The following ARHGEF17 variants were observed in gnomAD, a reference collection of about 807,000 sequenced individuals.
The protein encoded by ARHGEF17 is Rho guanine nucleotide exchange factor 17.
A neutral mutation model predicts 174.0 loss-of-function variants in ARHGEF17; 80 were observed. That is an observed-to-expected ratio of 0.46 (90% CI 0.38 to 0.55). The LOEUF (loss-of-function observed/expected upper bound fraction) is 0.55, where lower values mean the gene tolerates loss of function less well. ARHGEF17 is among the 20% of genes least tolerant of loss of function. The probability of loss-of-function intolerance (pLI) is 0.00; values close to 1 mark genes in which losing one functional copy is unlikely to be tolerated. For synonymous variants in ARHGEF17, 1,311 were observed against 1,189.1 expected (o/e 1.10, Z -2.11); for missense variants, 2,886 against 2,839.7 (o/e 1.02, Z -0.37).
rs768413337 is a variant in ARHGEF17, at chr11:73,357,312, G to A, written c.4072G>A (p.Ala1358Thr). 9.3e-6 allele frequency: 15 copies of A among 1,613,788 alleles called. No homozygotes were observed. The highest frequency in any genetic ancestry group is 3.3e-5 in the South Asian group (3 of 91,008). ...KMLWKLPLED[A>T]DIIKGASQAT... Reference sequence around the variant, plus strand: ...GCTGTGGAAGCTGCCGCTGGAAGACGCAGACATCATCAAAGGTGGGTTTGA... The same window carrying A: ...GCTGTGGAAGCTGCCGCTGGAAGACACAGACATCATCAAAGGTGGGTTTGA... Residue 1358 changes from alanine (A) to threonine (T), a missense_variant, in exon 9 of 21, where the codon GCA becomes ACA. Physicochemically the swap from Ala to Thr is moderately conservative, Grantham distance 58. Around this residue, in one of 4 missense-constraint regions of ARHGEF17, gnomAD observed 353 missense variants for 470.3 expected, o/e 0.75. Coordinates refer to ENST00000263674, the MANE Select transcript of ARHGEF17 (RefSeq NM_014786.4).
chr11:73,366,232 T>C (rs954092148), intron 20 of ARHGEF17, among the ~76,000 whole-genome samples: 7 of 152,128 alleles, frequency 4.6e-5, no homozygotes, highest in Admixed American at 3.3e-4. Flanking sequence ...AGGTAGAATA[T>C]GTCACAAATA....
At chr11:73,319,739 CG>C in intron 1 of ARHGEF17, among the ~76,000 whole-genome samples, 1 of 152,322 alleles carries the variant, frequency 6.6e-6, no homozygotes, top group Admixed American at 6.5e-5. Context: ...TGGGGACACA[CG>C]GGGAAAACTT....
chr11:73,317,375 A>G (rs796236301), intron 1 of ARHGEF17, among the ~76,000 whole-genome samples: 1 of 152,208 alleles, frequency 6.6e-6, no homozygotes, highest in African/African-American at 2.4e-5. Context: ...CAATAGTCCA[A>G]TAAAGAAGCA....
intron 1 of ARHGEF17, among the ~76,000 whole-genome samples, chr11:73,332,181 CTATAT>C (rs1667476360): frequency 6.6e-6 from 1 of 152,136 alleles, no homozygotes; most frequent in Non-Finnish European, 1.5e-5. Context: ...AGTAAGCCCT[CTATAT>C]TCTCTACTTT....
chr11:73,351,455 G>A (rs1355400647), intron 2 of ARHGEF17, among the ~76,000 whole-genome samples: 2 of 152,174 alleles, frequency 1.3e-5, no homozygotes, highest in South Asian at 4.2e-4. Flanking sequence ...GTAAAATAAC[G>A]GGAGTTTTAG....
intron 1 of ARHGEF17, among the ~76,000 whole-genome samples, chr11:73,312,776 C>T (rs1233289232): frequency 1.3e-5 from 2 of 151,964 alleles, no homozygotes; most frequent in Non-Finnish European, 2.9e-5. Context: ...ATCTTTTCCC[C>T]ACTCTACCCC....
chr11:73,349,491 C>T (rs1865518141), intron 2 of ARHGEF17, among the ~76,000 whole-genome samples: 1 of 152,124 alleles, frequency 6.6e-6, no homozygotes, highest in Non-Finnish European at 1.5e-5. Context: ...GGCAGGCTAC[C>T]TGTAATCCCA....
rs531045413 is a variant in ARHGEF17 at position 73,321,988 on chromosome 11, A to G, written c.3192+10158A>G. Among the ~76,000 whole-genome samples the G allele has an allele frequency of 5.3e-5, 8 of 152,286 alleles. No homozygotes were observed. In the East Asian group the frequency reaches 1.4e-3, roughly 26 times the overall value. On this transcript the variant is annotated intron_variant, in intron 1 of 20. Transcript: ENST00000263674. ...GCTGTGGAGCAGGAAGCGGGGAGGC[A>G]GAGTTCCTGGCTGCCAGCCAGCCCC...
Position 73,352,979 on chromosome 11 carries a change from C to G in ARHGEF17, c.3420C>G (p.Ala1140=). Residue 1140 remains alanine (A), a synonymous_variant, in exon 3 of 21, where the codon GCC becomes GCG. Coordinates refer to ENST00000263674, the MANE Select transcript of ARHGEF17 (RefSeq NM_014786.4). ...GGCACTGCATGCAGACCTGGCATGC[C>G]CAGCAGAAGGTGGGAGCCCTGCTCG... ...QVRHCMQTWH[A]QQKVGALLVQ... 6.2e-7 allele frequency: 1 copy of G among 1,614,014 alleles called. No homozygotes were observed. The highest frequency in any genetic ancestry group is 1.1e-5 in the South Asian group (1 of 91,084).
intron 1 of ARHGEF17, among the ~76,000 whole-genome samples, chr11:73,323,426 T>C (rs1865047295): frequency 1.3e-5 from 2 of 152,236 alleles, no homozygotes; most frequent in Admixed American, 1.3e-4. Flanking sequence ...TGGTGGGTCC[T>C]GTAGTCAGAG....
intron 18 of ARHGEF17, 68 bp downstream of exon 18, chr11:73,364,668 A>C (rs1865807196): frequency 3.2e-6 from 5 of 1,538,766 alleles, no homozygotes; most frequent in Middle Eastern, 2.3e-4. Flanking sequence ...AGGGAGATGG[A>C]GACCATGGTA....
At chr11:73,337,452 A>G (rs377630420) in intron 1 of ARHGEF17, among the ~76,000 whole-genome samples, 74 of 152,150 alleles carry the variant, frequency 4.9e-4, no homozygotes, top group African/African-American at 1.7e-3. Context: ...TATCTTCAAA[A>G]CATACAGTCT....
rs1865579183 is a variant in ARHGEF17, at chr11:73,352,903, A to G, written c.3344A>G (p.Asp1115Gly). The G allele has an allele frequency of 6.2e-7, 1 of 1,613,976 alleles. No homozygotes were observed. The highest frequency in any genetic ancestry group is 1.7e-5 in the Admixed American group (1 of 60,010). The change falls in exon 3 of 21, where the codon GAC becomes GGC. Residue 1115 changes from aspartate to glycine, a missense_variant. This residue lies in a region of ARHGEF17 where 353 missense variants were observed against 470.3 expected (regional missense o/e 0.75). Transcript: ENST00000263674. ...CDPSLVDEIF[D>G]QIPELLEHHE... is the part of the protein sequence containing the mutation. Reference sequence around the variant, plus strand: ...CCTTCACTGGTGGACGAGATCTTCGACCAGATCCCCGAGCTCCTGGAGCAC... The same window carrying G: ...CCTTCACTGGTGGACGAGATCTTCGGCCAGATCCCCGAGCTCCTGGAGCAC...
At chr11:73,357,560 C>T (rs1230896798) in intron 9 of ARHGEF17, among the ~76,000 whole-genome samples, 2 of 152,208 alleles carry the variant, frequency 1.3e-5, no homozygotes, top group Admixed American at 6.5e-5. Flanking sequence ...AGGCTGGCAG[C>T]GGGAGCTGGG....
Position 73,346,743 on chromosome 11 carries a change from C to T in ARHGEF17, c.3193-140C>T, listed in dbSNP as rs141861472. 7.9e-3 allele frequency: 4,843 copies of T among 612,836 alleles called. 51 individuals are homozygous for T. Among genetic ancestry groups the T allele is most frequent in the Middle Eastern group, 0.036 (87 of 2,424 alleles). The allele number at this position is 612,836 out of a possible 1,614,324, so 38.0% of individuals were successfully genotyped here. On this transcript the variant is annotated intron_variant, in intron 1 of 20. Coordinates refer to ENST00000263674, the MANE Select transcript of ARHGEF17 (RefSeq NM_014786.4). ...GCCTGGGGGCCTCGGGGGAACAGCC[C>T]GGAGCCCTGGGCGGCAGGAGGGAAG...
intron 3 of ARHGEF17, 83 bp from the exon 4 acceptor site, chr11:73,355,450 C>T: frequency 1.2e-6 from 1 of 851,774 alleles, no homozygotes. Context: ...AAGATGGTGA[C>T]TCATGAATCA....
At chr11:73,357,423 C>A (rs1270865055) in intron 9 of ARHGEF17, 96 bp downstream of exon 9, 2 of 1,197,430 alleles carry the variant, frequency 1.7e-6, no homozygotes, top group African/African-American at 1.5e-5. Flanking sequence ...GCCTGTCCAG[C>A]TGCTTTTCCA....
intron 6 of ARHGEF17, 136 bp from the exon 7 acceptor site, chr11:73,356,573 A>C: frequency 7.9e-7 from 1 of 1,260,112 alleles, no homozygotes; most frequent in Non-Finnish European, 1.1e-6. Context: ...TGGCAGCACA[A>C]GGGCATTGAG....
chr11:73,326,545 C>T (rs992148936), intron 1 of ARHGEF17, among the ~76,000 whole-genome samples: 1 of 152,128 alleles, frequency 6.6e-6, no homozygotes, highest in Non-Finnish European at 1.5e-5. Context: ...CATGGTAAAA[C>T]CACATCTCTA....
Sources: gnomAD v4.1 joint callset for allele counts (sites outside exome capture counted in the v4.1 genomes callset) on GRCh38, gnomAD v4.1.1 for gene constraint, gnomAD v4.1.1 regional missense constraint, MANE v1.5 for transcripts, NCBI Gene and HGNC (gene_info 2026-07-23, HGNC 2026-07-21) for gene names.